Variants in HELB observed in about 807,000 individuals in gnomAD.
HELB encodes the protein DNA helicase B.
A neutral mutation model predicts 101.7 loss-of-function variants in HELB; 96 were observed. That is an observed-to-expected ratio of 0.94 (90% CI 0.80 to 1.12). HELB has a LOEUF of 1.12. Among genes scored for constraint, HELB ranks in the 50% most tolerant of loss-of-function variants. HELB has a pLI of 0.00. For missense variants in HELB, 1,210 were observed against 1,291.9 expected (o/e 0.94, Z 0.97); for synonymous variants, 437 against 459.7 (o/e 0.95, Z 0.63).
At position 66,310,190 on chromosome 12, in the gene HELB, C is replaced by T. The variant is rs1441595966; in HGVS notation, c.1262C>T (p.Thr421Ile). ...RLENPVDVVD[T>I]QDNGDHIWTN... Reference sequence around the variant, plus strand: ...GAAAATCCTGTGGATGTTGTGGACACACAGGACAATGGTGACCATATTTGG... The same window carrying T: ...GAAAATCCTGTGGATGTTGTGGACATACAGGACAATGGTGACCATATTTGG... Residue 421 changes from threonine (T) to isoleucine (I), a missense_variant, in exon 4 of 13, where the codon ACA becomes ATA. By Grantham distance (89) the Thr-to-Ile change is moderately conservative (BLOSUM62 -1). Around this residue, in one of 2 missense-constraint regions of HELB, gnomAD observed 470 missense variants for 563.1 expected, o/e 0.83. Transcript: ENST00000247815. The T allele has an allele frequency of 1.9e-6, 3 of 1,614,176 alleles. No homozygotes were observed. The highest frequency in any genetic ancestry group is 2.5e-6 in the Non-Finnish European group (3 of 1,180,024).
chr12:66,303,134 C>T (rs2053429298), intron 1 of HELB, among the ~76,000 whole-genome samples: 2 of 142,196 alleles, frequency 1.4e-5, no homozygotes, highest in African/African-American at 2.6e-5. Context: ...TAATGGTCGT[C>T]CTTTAATTTA....
Position 66,318,793 on chromosome 12 carries a change from G to A in HELB, c.2155+1G>A, listed in dbSNP as rs749425011. 6.3e-7 allele frequency: 1 copy of A among 1,598,300 alleles called. No individual in the cohort carries two copies. The highest frequency in any genetic ancestry group is 8.5e-7 in the Non-Finnish European group (1 of 1,174,708). On this transcript the variant is annotated splice_donor_variant, in intron 7 of 12. Coordinates refer to ENST00000247815, the MANE Select transcript of HELB (RefSeq NM_001370285.1). LOFTEE classifies it high-confidence loss of function. Reference sequence around the variant, plus strand: ...TCATCTAAAACTAATCATCACTCTTGTAAGTATAAACTTCTATGAGATGTA... The same window carrying A: ...TCATCTAAAACTAATCATCACTCTTATAAGTATAAACTTCTATGAGATGTA...
intron 11 of HELB, 118 bp downstream of exon 11, chr12:66,325,244 A>G (rs1029883811): frequency 1.5e-5 from 10 of 663,476 alleles, no homozygotes; most frequent in African/African-American, 1.5e-4. Flanking sequence ...AACAAAATAC[A>G]CAAAAGTACA....
Position 66,338,098 on chromosome 12 carries a change from C to T in HELB, c.3260C>T (p.Thr1087Ile), listed in dbSNP as rs199608348. 6.0e-6 allele frequency: 9 copies of T among 1,503,680 alleles called. No individual in the cohort carries two copies. In the East Asian group the frequency reaches 1.8e-4, roughly 30 times the overall value. 93.1% of individuals were successfully genotyped at this position (1,503,680 alleles called of 1,614,324 possible). ...QLFKPTDNQE[T>I] The stretch of plus-strand genomic sequence containing the variant: ...TTCAAGCCCACCGATAATCAAGAAA[C>T]TTAGTTTTATTTCAAATTGTTCCGA... The change falls in exon 13 of 13, where the codon ACT (threonine) becomes ATT (isoleucine). Residue 1087 changes from threonine (T) to isoleucine (I), a missense_variant. This residue lies in a region of HELB where 740 missense variants were observed against 728.8 expected (regional missense o/e 1.02). Coordinates refer to ENST00000247815, the MANE Select transcript of HELB (RefSeq NM_001370285.1).
chr12:66,319,392 A>G (rs2053646035), intron 7 of HELB, among the ~76,000 whole-genome samples: 1 of 152,176 alleles, frequency 6.6e-6, no homozygotes. Context: ...TCACTTAACC[A>G]TTTGTAAAAT....
At chr12:66,307,295 A>G (rs1200916455) in intron 3 of HELB, among the ~76,000 whole-genome samples, 5 of 152,204 alleles carry the variant, frequency 3.3e-5, no homozygotes, top group Non-Finnish European at 5.9e-5. Flanking sequence ...ACATGAGATT[A>G]TTATATATAT....
In HELB at chr12:66,307,776, G is replaced by T. The variant is rs192001082; in HGVS notation, c.777+1262G>T. 6.1e-3 allele frequency among the ~76,000 whole-genome samples: 903 copies of T among 148,132 alleles called. 5 individuals carry two copies. Among genetic ancestry groups the T allele is most frequent in the Non-Finnish European group, 0.01 (686 of 67,380 alleles). ...TTTCTTTTTTTTTTTTTCCCACCCA[G>T]CCTGGAGTGCAATGGTGTGAGCTCT... On this transcript the variant is annotated intron_variant, in intron 3 of 12. Coordinates refer to ENST00000247815, the MANE Select transcript of HELB (RefSeq NM_001370285.1).
intron 4 of HELB, among the ~76,000 whole-genome samples, chr12:66,313,043 TA>T (rs779760570): frequency 3.7e-4 from 56 of 152,114 alleles, no homozygotes; most frequent in Non-Finnish European, 7.2e-4. Flanking sequence ...TCTAAGATAA[TA>T]AATTGAATAT....
Position 66,322,845 on chromosome 12 carries a change from T to C in HELB, c.2297+62T>C. Reference sequence around the variant, plus strand: ...TCCTTCTTCGATTTGCTGGTTTTTTTTTTTGCTTTGATGTTTGTCACCTAT... The same window carrying C: ...TCCTTCTTCGATTTGCTGGTTTTTTCTTTTGCTTTGATGTTTGTCACCTAT... On this transcript the variant is annotated intron_variant, in intron 9 of 12. Coordinates refer to ENST00000247815, the MANE Select transcript of HELB (RefSeq NM_001370285.1). 5 of 1,193,054 alleles carry C rather than the reference T, an allele frequency of 4.2e-6. No homozygotes were observed. In the South Asian group the frequency reaches 6.7e-5, roughly 16 times the overall value. 73.9% of individuals were successfully genotyped at this position (1,193,054 alleles called of 1,614,324 possible). A position where few individuals can be genotyped will look rare whatever the true frequency, so the allele number is the denominator to read the frequency against.
intron 12 of HELB, among the ~76,000 whole-genome samples, chr12:66,335,890 C>G (rs762255796): frequency 4.6e-5 from 7 of 152,170 alleles, no homozygotes; most frequent in Non-Finnish European, 8.8e-5. Flanking sequence ...TTATTATAAT[C>G]CAGCTCAGTT....
chr12:66,322,006 A>G lies in HELB; in HGVS notation c.2214A>G (p.Thr738=), dbSNP rs1293845996. Residue 738 remains threonine, a synonymous_variant, in exon 8 of 13, where the codon ACA becomes ACG. Transcript: ENST00000247815. ...AAAATAACTTACAAAATGCAAAAAC[A>G]TCACAATTTATTGCATTTAGAAGGT... ...LQENNLQNAK[T]SQFIAFRRQD... is the part of the protein sequence containing the mutation. 7.7e-6 allele frequency: 9 copies of G among 1,162,542 alleles called. No homozygotes were observed. Among genetic ancestry groups the G allele is most frequent in the African/African-American group, 3.1e-5 (2 of 65,456 alleles). The allele number at this position is 1,162,542 out of a possible 1,614,324, so 72.0% of individuals were successfully genotyped here.
In HELB at chr12:66,309,888, G is replaced by A; in HGVS notation, c.960G>A (p.Leu320=). The A allele has an allele frequency of 6.2e-7, 1 of 1,614,134 alleles. No individual in the cohort carries two copies. Among genetic ancestry groups the A allele is most frequent in the Non-Finnish European group, 8.5e-7 (1 of 1,180,010 alleles). ...ATGTTGAAGTGAATGACTTAACTTT[G>A]ACATTGTCAAATCATATGTCATTTC... is the stretch of plus-strand genomic sequence containing the variant. ...HTYVEVNDLT[L]TLSNHMSFHA... Residue 320 remains leucine, a synonymous_variant, in exon 4 of 13, where the codon TTG becomes TTA. Coordinates refer to ENST00000247815, the MANE Select transcript of HELB (RefSeq NM_001370285.1).
intron 11 of HELB, among the ~76,000 whole-genome samples, chr12:66,328,563 A>G (rs893584146): frequency 1.3e-5 from 2 of 152,112 alleles, no homozygotes; most frequent in Non-Finnish European, 2.9e-5. Flanking sequence ...AAACAAATAA[A>G]CAAAACAAAA....
In HELB at chr12:66,324,956, C is replaced by G. The variant is rs540284944; in HGVS notation, c.2527-27C>G. The G allele has an allele frequency of 1.9e-6, 3 of 1,610,704 alleles. No homozygotes were observed. In the African/African-American group the frequency reaches 4.0e-5, roughly 22 times the overall value. ...AACGTAGAACATATTTGAAGGTATG[C>G]AAAATAGTTCTTTGGTTTGGTGACA... On this transcript the variant is annotated intron_variant, in intron 10 of 12. Coordinates refer to ENST00000247815, the MANE Select transcript of HELB (RefSeq NM_001370285.1).
chr12:66,310,501 C>G lies in HELB; in HGVS notation c.1573C>G (p.Gln525Glu). ...EEWITFTEQS[Q>E]LEADKAIEVL... is the part of the protein sequence containing the mutation. ...ATGGATTACCTTTACTGAGCAAAGT[C>G]AACTAGAGGCGGACAAGGCTATAGA... is the stretch of plus-strand genomic sequence containing the variant. The change falls in exon 4 of 13, where the codon CAA becomes GAA. Residue 525 changes from glutamine (Q) to glutamate (E), a missense_variant. This residue lies in a region of HELB where 740 missense variants were observed against 728.8 expected (regional missense o/e 1.02). Coordinates refer to ENST00000247815, the MANE Select transcript of HELB (RefSeq NM_001370285.1). 6 of 1,614,194 alleles carry G rather than the reference C, an allele frequency of 3.7e-6. No homozygotes were observed. Among genetic ancestry groups the G allele is most frequent in the Non-Finnish European group, 5.1e-6 (6 of 1,180,026 alleles).
chr12:66,333,639 G>A (rs1452350759), intron 12 of HELB, among the ~76,000 whole-genome samples: 1 of 152,082 alleles, frequency 6.6e-6, no homozygotes, highest in African/African-American at 2.4e-5. Flanking sequence ...AGCCGAGATT[G>A]CACCACTGCA....
intron 11 of HELB, among the ~76,000 whole-genome samples, chr12:66,325,382 G>A (rs1390174105): frequency 6.6e-6 from 1 of 152,140 alleles, no homozygotes; most frequent in Non-Finnish European, 1.5e-5. Flanking sequence ...TGAGTCTCCA[G>A]TATGGCTTGG....
At position 66,304,802 on chromosome 12, in the gene HELB, T is replaced by C; in HGVS notation, c.259T>C (p.Trp87Arg). ...FGRFPITGAW[W>R]RVKVQVKPVV... ...ACGTTTTCCGATAACAGGTGCTTGG[T>C]GGAGAGTGAAGGTACAAGTAAAGCC... Residue 87 changes from tryptophan to arginine, a missense_variant, in exon 2 of 13, where the codon TGG (tryptophan) becomes CGG (arginine). Transcript: ENST00000247815. 1.9e-6 allele frequency: 3 copies of C among 1,613,976 alleles called. No individual in the cohort carries two copies. The highest frequency in any genetic ancestry group is 2.5e-6 in the Non-Finnish European group (3 of 1,179,940).
intron 12 of HELB, among the ~76,000 whole-genome samples, chr12:66,332,207 TC>T (rs2053818470): frequency 6.6e-6 from 1 of 152,202 alleles, no homozygotes; most frequent in Admixed American, 6.5e-5. Context: ...ATCACCATCT[TC>T]CTAGTTACAT....
Sources: gnomAD v4.1 joint callset for allele counts (sites outside exome capture counted in the v4.1 genomes callset) on GRCh38, gnomAD v4.1.1 for gene constraint, gnomAD v4.1.1 regional missense constraint, MANE v1.5 for transcripts, NCBI Gene and HGNC (gene_info 2026-07-23, HGNC 2026-07-21) for gene names.